DLGAP2: variants seen among roughly 807,000 people sequenced by gnomAD.
The protein encoded by DLGAP2 is disks large-associated protein 2.
DLGAP2 carries 26 observed loss-of-function variants against 100.3 expected under a neutral mutation model. The ratio of observed to expected loss-of-function variants is 0.26; its 90% CI spans 0.19 to 0.36. The LOEUF (loss-of-function observed/expected upper bound fraction) is 0.36, where lower values mean the gene tolerates loss of function less well. DLGAP2 is among the 10% of genes least tolerant of loss of function. The probability of loss-of-function intolerance (pLI) is 1.00; values close to 1 mark genes in which losing one functional copy is unlikely to be tolerated. For synonymous variants in DLGAP2, 886 were observed against 630.1 expected, an observed-to-expected ratio of 1.41 and a Z score of -6.08; for missense variants, 1,858 against 1,453.2, an observed-to-expected ratio of 1.28 and a Z score of -4.53.
intron 3 of DLGAP2, among the ~76,000 whole-genome samples, chr8:1,492,774 G>A (rs544950379): frequency 6.6e-6 from 1 of 152,336 alleles, no homozygotes; most frequent in African/African-American, 2.4e-5. Context: ...TTTGCGTGAA[G>A]ACCTGTGTGC....
intron 2 of DLGAP2, among the ~76,000 whole-genome samples, chr8:1,082,142 C>A (rs115218606): frequency 6.6e-6 from 1 of 152,158 alleles, no homozygotes; most frequent in Non-Finnish European, 1.5e-5. Context: ...TACATAGACA[C>A]CTTCCTGTTA....
At chr8:1,590,434 G>C (rs111913259) in intron 6 of DLGAP2, among the ~76,000 whole-genome samples, 12 of 152,248 alleles carry the variant, frequency 7.9e-5, no homozygotes, top group African/African-American at 2.9e-4. Flanking sequence ...GGAATGTATG[G>C]TCAAATATAG....
At chr8:1,431,079 A>T (rs1797418116) in intron 3 of DLGAP2, among the ~76,000 whole-genome samples, 2 of 152,238 alleles carry the variant, frequency 1.3e-5, no homozygotes, top group African/African-American at 4.8e-5. Flanking sequence ...TGCAAACTGT[A>T]AAATGGGAAG....
At chr8:767,646 C>T (rs990690942) in intron 1 of DLGAP2, among the ~76,000 whole-genome samples, 1 of 152,132 alleles carries the variant, frequency 6.6e-6, no homozygotes, top group Admixed American at 6.5e-5. Context: ...CGAGCCACCA[C>T]GCCAGGACGG....
intron 2 of DLGAP2, among the ~76,000 whole-genome samples, chr8:1,100,509 T>C (rs1446005920): frequency 6.6e-6 from 1 of 151,118 alleles, no homozygotes; most frequent in South Asian, 2.1e-4. Flanking sequence ...GAGTTTGTGG[T>C]GTGTGTGTGT....
At chr8:921,792 T>G (rs1249358765) in intron 2 of DLGAP2, among the ~76,000 whole-genome samples, 1 of 152,240 alleles carries the variant, frequency 6.6e-6, no homozygotes, top group Admixed American at 6.5e-5. Context: ...GTCCTGGCTC[T>G]TCTGCTCTTG....
chr8:985,856 G>T (rs1008691434), intron 2 of DLGAP2, among the ~76,000 whole-genome samples: 2 of 152,176 alleles, frequency 1.3e-5, no homozygotes, highest in Admixed American at 1.3e-4. Flanking sequence ...CTGCCCATTT[G>T]CTCAGTCGAT....
chr8:875,818 A>G (rs1797678971), intron 1 of DLGAP2, among the ~76,000 whole-genome samples: 1 of 152,164 alleles, frequency 6.6e-6, no homozygotes, highest in African/African-American at 2.4e-5. Flanking sequence ...TGTTTGCTCT[A>G]GAGTTTCCCA....
chr8:1,412,319 C>G (rs960529277), intron 3 of DLGAP2, among the ~76,000 whole-genome samples: 3 of 152,328 alleles, frequency 2.0e-5, no homozygotes, highest in Non-Finnish European at 2.9e-5. Flanking sequence ...AGGCTCCATT[C>G]TCTCCCTCAG....
intron 2 of DLGAP2, among the ~76,000 whole-genome samples, chr8:918,505 G>A (rs868124415): frequency 6.6e-6 from 1 of 152,200 alleles, no homozygotes; most frequent in South Asian, 2.1e-4. Context: ...AGGCACGGCT[G>A]TGTCTGTGCC....
intron 8 of DLGAP2, among the ~76,000 whole-genome samples, chr8:1,646,292 C>A (rs1046417041): frequency 6.6e-6 from 1 of 152,212 alleles, no homozygotes; most frequent in Non-Finnish European, 1.5e-5. Context: ...CAGCTTGCCA[C>A]TCTCCCTGCA....
chr8:981,024 G>A (rs567418580), intron 2 of DLGAP2, among the ~76,000 whole-genome samples: 6 of 152,002 alleles, frequency 3.9e-5, no homozygotes, highest in South Asian at 2.1e-4. Flanking sequence ...ATCTATTTCC[G>A]GAAAATTTTC....
At chr8:1,613,621 G>T (rs979765257) in intron 6 of DLGAP2, among the ~76,000 whole-genome samples, 1 of 152,018 alleles carries the variant, frequency 6.6e-6, no homozygotes, top group East Asian at 1.9e-4. Flanking sequence ...ATGAGGACAA[G>T]GGCGATGCCT....
rs145389778 is a variant in DLGAP2 at position 1,557,691 on chromosome 8, C to T, written c.1231-7992C>T. On this transcript the variant is annotated intron_variant, in intron 5 of 14. Transcript: ENST00000637795. Reference sequence around the variant, plus strand: ...GCTGGTGCCCAAGACCGTGGAGTCCCAAGGCCAGCTCCTGCTGAGCCTCTC... The same window carrying T: ...GCTGGTGCCCAAGACCGTGGAGTCCTAAGGCCAGCTCCTGCTGAGCCTCTC... 3.0e-4 allele frequency among the ~76,000 whole-genome samples: 46 copies of T among 152,294 alleles called. No individual in the cohort carries two copies. The East Asian group carries it at 6.6e-3, about 22-fold the overall frequency.
At chr8:1,301,473 G>T (rs1800338638) in intron 3 of DLGAP2, 1 of 150,758 alleles carries the variant, frequency 6.6e-6, no homozygotes, top group Non-Finnish European at 1.5e-5. Flanking sequence ...AGTTTTTTTT[G>T]AAGATGATCA....
At chr8:1,368,696 G>C (rs1486203698) in intron 3 of DLGAP2, 1 of 152,130 alleles carries the variant, frequency 6.6e-6, no homozygotes, top group Non-Finnish European at 1.5e-5. Context: ...TAAAGCATGT[G>C]GTATGCTACA....
chr8:877,490 C>T (rs371772429), intron 1 of DLGAP2, among the ~76,000 whole-genome samples: 22 of 152,338 alleles, frequency 1.4e-4, no homozygotes, highest in African/African-American at 5.1e-4. Context: ...GTCCCTGACC[C>T]AGGCAGCTAT....
At chr8:866,343 G>A (rs1309087987) in intron 1 of DLGAP2, among the ~76,000 whole-genome samples, 4 of 152,234 alleles carry the variant, frequency 2.6e-5, no homozygotes, top group Admixed American at 6.5e-5. Context: ...CATGTGCTCT[G>A]TGTTGGAAGT....
At chr8:1,580,931 G>A (rs1803218064) in intron 6 of DLGAP2, among the ~76,000 whole-genome samples, 3 of 146,260 alleles carry the variant, frequency 2.1e-5, no homozygotes, top group African/African-American at 5.1e-5. Context: ...TACCAGAAGT[G>A]AAGTATACAG....
Sources: gnomAD v4.1 joint callset for allele counts (sites outside exome capture counted in the v4.1 genomes callset) on GRCh38, gnomAD v4.1.1 for gene constraint, MANE v1.5 for transcripts, NCBI Gene and HGNC (gene_info 2026-07-23, HGNC 2026-07-21) for gene names.